NPY1R: variants seen among roughly 807,000 people sequenced by gnomAD.
NPY1R encodes neuropeptide Y receptor type 1.
In NPY1R, 10 loss-of-function variants were observed where a neutral mutation model predicts 24.1. The ratio of observed to expected loss-of-function variants is 0.42; its 90% CI spans 0.26 to 0.71. The LOEUF (loss-of-function observed/expected upper bound fraction) is 0.71. NPY1R is among the 30% of genes least tolerant of loss of function. The pLI is 0.28. For missense variants in NPY1R, 350 were observed against 458.0 expected (o/e 0.76, Z 2.15); for synonymous variants, 168 against 165.9 (o/e 1.01, Z -0.10).
chr4:163,327,844 C>T (rs1026950732), intron 1 of NPY1R, among the ~76,000 whole-genome samples: 1 of 152,018 alleles, frequency 6.6e-6, no homozygotes, highest in African/African-American at 2.4e-5. Context: ...GTCTGATATT[C>T]CCTAGATTAC....
At chr4:163,332,944 G>T (rs1464535405), upstream of NPY1R, 3 of 152,234 alleles carry the variant, frequency 2.0e-5, no homozygotes, top group Non-Finnish European at 4.4e-5. Flanking sequence ...GTCATACCCG[G>T]CTGGAGAGCT....
chr4:163,337,548 G>A (rs1055533242), upstream of NPY1R, among the ~76,000 whole-genome samples: 1 of 152,088 alleles, frequency 6.6e-6, no homozygotes, highest in South Asian at 2.1e-4. Context: ...AGCCTGTCCC[G>A]CTGAGGTTTC....
intron 1 of NPY1R, among the ~76,000 whole-genome samples, chr4:163,343,530 G>C (rs1434110305): frequency 6.6e-6 from 1 of 151,206 alleles, no homozygotes; most frequent in Non-Finnish European, 1.5e-5. Flanking sequence ...TAAAACCTGA[G>C]AGTCGAAGCT....
At chr4:163,339,547 AT>A (rs1280890772) in intron 1 of NPY1R, among the ~76,000 whole-genome samples, 5 of 152,028 alleles carry the variant, frequency 3.3e-5, no homozygotes, top group African/African-American at 1.2e-4. Context: ...CATCTAACAC[AT>A]TATAAGATAC....
In NPY1R at chr4:163,326,504, A is replaced by G; in HGVS notation, c.51T>C (p.Asn17=). The change falls in exon 2 of 3, where the codon AAT becomes AAC. Residue 17 remains asparagine, a synonymous_variant. Coordinates refer to ENST00000296533, the MANE Select transcript of NPY1R (RefSeq NM_000909.6). ...GAAGCTGGGCATTCTTCTCTGAGAA[A>G]TTAGAGTGGACTGAATGATTTTCAA... ...SQVENHSVHS[N]FSEKNAQLLA... is the part of the protein sequence containing the mutation. 6.2e-7 allele frequency: 1 copy of G among 1,612,636 alleles called. No homozygotes were observed. The highest frequency in any genetic ancestry group is 8.5e-7 in the Non-Finnish European group (1 of 1,179,392).
intron 1 of NPY1R, among the ~76,000 whole-genome samples, chr4:163,342,591 G>A (rs1438176265): frequency 2.6e-5 from 4 of 152,136 alleles, no homozygotes; most frequent in Non-Finnish European, 1.5e-5. Context: ...AATAAAACAG[G>A]AACTGTGTTT....
In NPY1R at chr4:163,324,332, G is replaced by T. The variant is rs191254459; in HGVS notation, c.*971C>A. ...TTCCTTTGAAAGATGGACATTGAAA[G>T]TTAAAAATCAGTCACTATATAGGCA... On this transcript the variant is annotated 3_prime_UTR_variant, in exon 3 of 3. Coordinates refer to ENST00000296533, the MANE Select transcript of NPY1R (RefSeq NM_000909.6). 2.6e-5 allele frequency: 4 copies of T among 152,710 alleles called. No individual in the cohort carries two copies. Among genetic ancestry groups the T allele is most frequent in the Admixed American group, 2.6e-4 (4 of 15,298 alleles). 9.5% of individuals were successfully genotyped at this position (152,710 alleles called of 1,614,324 possible). A position where few individuals can be genotyped will look rare whatever the true frequency, so the allele number is the denominator to read the frequency against.
upstream of NPY1R, among the ~76,000 whole-genome samples, chr4:163,334,245 C>A (rs1022961405): frequency 2.0e-5 from 3 of 152,178 alleles, no homozygotes; most frequent in African/African-American, 7.2e-5. Flanking sequence ...TAATTTAATT[C>A]TCTACTAAGA....
At chr4:163,341,388 G>T (rs1345779514) in intron 1 of NPY1R, among the ~76,000 whole-genome samples, 1 of 152,060 alleles carries the variant, frequency 6.6e-6, no homozygotes, top group Non-Finnish European at 1.5e-5. Context: ...ACCTCTACTT[G>T]TTCTATAACT....
At chr4:163,337,784 C>T (rs1180317207), upstream of NPY1R, among the ~76,000 whole-genome samples, 1 of 152,184 alleles carries the variant, frequency 6.6e-6, no homozygotes, top group African/African-American at 2.4e-5. Flanking sequence ...AATTGCTCAT[C>T]TCTTTCTCAT....
At chr4:163,339,390 A>G (rs1414377612) in intron 1 of NPY1R, among the ~76,000 whole-genome samples, 2 of 152,208 alleles carry the variant, frequency 1.3e-5, no homozygotes, top group Non-Finnish European at 2.9e-5. Flanking sequence ...TAAATAAGAA[A>G]TAAACCTAGA....
intron 1 of NPY1R, among the ~76,000 whole-genome samples, chr4:163,338,750 C>A (rs1408182444): frequency 6.6e-6 from 1 of 152,190 alleles, no homozygotes; most frequent in South Asian, 2.1e-4. Flanking sequence ...CTATCAACTA[C>A]ATGCTTGCAT....
chr4:163,328,741 G>A lies in NPY1R; in HGVS notation c.-151-2036C>T, dbSNP rs114861936. ...CACAGTCTACCAAATATAGCTCTGC[G>A]TCTCCACCTCCGCCATTCCTCTTGC... is the stretch of plus-strand genomic sequence containing the variant. On this transcript the variant is annotated intron_variant, in intron 1 of 2. Transcript: ENST00000296533. Among the ~76,000 whole-genome samples, 398 of 152,200 alleles carry A rather than the reference G, an allele frequency of 2.6e-3. 3 individuals carry two copies. Among genetic ancestry groups the A allele is most frequent in the African/African-American group, 8.8e-3 (366 of 41,514 alleles).
rs1734615065 is a variant in NPY1R, at chr4:163,326,576, A to G, written c.-22T>C. On this transcript the variant is annotated 5_prime_UTR_variant, in exon 2 of 3. Transcript: ENST00000296533. ...TCATTTTGATTGGTTTGGTTGTTAT[A>G]GATTATTTTAGACAAATGGACAGTA... 6.9e-7 allele frequency: 1 copy of G among 1,443,920 alleles called. No individual in the cohort carries two copies. The highest frequency in any genetic ancestry group is 9.6e-7 in the Non-Finnish European group (1 of 1,046,324). 89.4% of individuals were successfully genotyped at this position (1,443,920 alleles called of 1,614,324 possible).
chr4:163,339,450 A>T (rs1379156589), intron 1 of NPY1R, among the ~76,000 whole-genome samples: 1 of 152,198 alleles, frequency 6.6e-6, no homozygotes, highest in East Asian at 1.9e-4. Flanking sequence ...TTAATTATGT[A>T]GCTGCACATA....
At position 163,325,037 on chromosome 4, in the gene NPY1R, C is replaced by A; in HGVS notation, c.*266G>T. ...ATTCCAATAAGTACAGTATAAAAGT[C>A]TTTATATTATATGCATAAATTCACA... On this transcript the variant is annotated 3_prime_UTR_variant, in exon 3 of 3. Coordinates refer to ENST00000296533, the MANE Select transcript of NPY1R (RefSeq NM_000909.6). The A allele has an allele frequency of 2.5e-6, 1 of 397,198 alleles. No individual in the cohort carries two copies. Among genetic ancestry groups the A allele is most frequent in the East Asian group, 5.0e-5 (1 of 20,176 alleles). The allele number at this position is 397,198 out of a possible 1,614,324, so 24.6% of individuals were successfully genotyped here. A position where few individuals can be genotyped will look rare whatever the true frequency, so the allele number is the denominator to read the frequency against.
chr4:163,329,636 G>A (rs1181745743), intron 1 of NPY1R, among the ~76,000 whole-genome samples: 1 of 151,956 alleles, frequency 6.6e-6, no homozygotes. Context: ...GGGATTTGGG[G>A]GAGCTGCAAT....
chr4:163,344,403 C>T lies in NPY1R; in HGVS notation c.-250G>A, dbSNP rs550917902. On this transcript the variant is annotated 5_prime_UTR_variant, in exon 1 of 2. Coordinates refer to the NPY1R transcript ENST00000511901. ...GGCGGGGGATGGACAAAGCGCTGCC[C>T]CCGGCTGGACGCGCTCTGGCTGCAG... is the stretch of plus-strand genomic sequence containing the variant. 6.9e-3 allele frequency: 1,059 copies of T among 152,430 alleles called. 6 individuals carry two copies. Among genetic ancestry groups the T allele is most frequent in the Non-Finnish European group, 0.013 (871 of 68,112 alleles). The allele number at this position is 152,430 out of a possible 1,614,324, so 9.4% of individuals were successfully genotyped here.
At position 163,325,677 on chromosome 4, in the gene NPY1R, T is replaced by C. The variant is rs535564233; in HGVS notation, c.781A>G (p.Ile261Val). ...ACAATGGAGAGCAGCATGATATTGA[T>C]TCTTTTGGTTTCACTGGACCTGTAC... ...NKYRSSETKR[I>V]NIMLLSIVVA... is the part of the protein sequence containing the mutation. Residue 261 changes from isoleucine to valine, a missense_variant, in exon 3 of 3, where the codon ATC becomes GTC. Coordinates refer to ENST00000296533, the MANE Select transcript of NPY1R (RefSeq NM_000909.6). The C allele has an allele frequency of 4.4e-6, 7 of 1,605,136 alleles. No homozygotes were observed. In the South Asian group the frequency reaches 5.5e-5, roughly 13 times the overall value.
Sources: gnomAD v4.1 joint callset for allele counts (sites outside exome capture counted in the v4.1 genomes callset) on GRCh38, gnomAD v4.1.1 for gene constraint, MANE v1.5 for transcripts, NCBI Gene and HGNC (gene_info 2026-07-23, HGNC 2026-07-21) for gene names.